Variants in IHO1 observed in about 807,000 individuals in gnomAD.
IHO1 encodes interactor of HORMAD1 protein 1.
A neutral mutation model predicts 31.0 loss-of-function variants in IHO1; 13 were observed. That is an observed-to-expected ratio of 0.42 (90% confidence interval 0.27 to 0.67). IHO1 has a LOEUF of 0.67. Ranked by LOEUF, IHO1 falls within the 30% of genes least tolerant of loss-of-function variation. The probability of loss-of-function intolerance (pLI) is 0.24; values close to 1 mark genes in which losing one functional copy is unlikely to be tolerated. For synonymous variants in IHO1, 221 were observed against 248.4 expected, an observed-to-expected ratio of 0.89 and a Z score of 1.04; for missense variants, 599 against 687.5, an observed-to-expected ratio of 0.87 and a Z score of 1.44.
At chr3:49,227,980 G>A (rs1424289307) in intron 2 of IHO1, among the ~76,000 whole-genome samples, 3 of 152,128 alleles carry the variant, frequency 2.0e-5, no homozygotes, top group Non-Finnish European at 4.4e-5. Context: ...CCTAAAGAAG[G>A]GAATAGAGTC....
rs1302371471 is a variant in IHO1 at position 49,206,278 on chromosome 3, A to G, written c.-15-5488A>G. Among the ~76,000 whole-genome samples the G allele has an allele frequency of 3.3e-5, 5 of 149,472 alleles. No homozygotes were observed. The East Asian group carries it at 8.0e-4, about 24-fold the overall frequency. ...TGCGCCCAGCAATTTTTGTATTTTT[A>G]GTAGAGATGGGATTTCACCATATTG... On this transcript the variant is annotated intron_variant, in intron 1 of 7. Coordinates refer to ENST00000452691, the MANE Select transcript of IHO1 (RefSeq NM_001135197.2).
intron 6 of IHO1, 100 bp downstream of exon 6, chr3:49,244,833 A>G: frequency 9.8e-7 from 1 of 1,017,438 alleles, no homozygotes; most frequent in Admixed American, 1.7e-5. Context: ...GGTTCCTCAC[A>G]GGGTTTCAGA....
chr3:49,235,698 T>C (rs1575580616), intron 2 of IHO1, among the ~76,000 whole-genome samples: 1 of 151,680 alleles, frequency 6.6e-6, no homozygotes, highest in Non-Finnish European at 1.5e-5. Context: ...GAGCCTGAGG[T>C]GAGCAGATTA....
intron 1 of IHO1, among the ~76,000 whole-genome samples, chr3:49,204,042 A>G (rs1201516159): frequency 4.6e-5 from 7 of 152,178 alleles, no homozygotes; most frequent in Non-Finnish European, 1.0e-4. Flanking sequence ...TTTTGAGGCT[A>G]GAAAGTTCAA....
At chr3:49,209,014 C>T (rs1365082178) in intron 1 of IHO1, among the ~76,000 whole-genome samples, 2 of 152,096 alleles carry the variant, frequency 1.3e-5, no homozygotes, top group Admixed American at 6.6e-5. Context: ...GGACATCTTT[C>T]TTCTGGTTGA....
chr3:49,197,880 CAAAA>C (rs553923060), upstream of IHO1, among the ~76,000 whole-genome samples: 1 of 111,366 alleles, frequency 9.0e-6, no homozygotes, highest in Non-Finnish European at 1.9e-5. Flanking sequence ...AACTCCATCT[CAAAA>C]AAAAAAAAAA....
chr3:49,236,213 CAATAA>C lies in IHO1; in HGVS notation c.57-326_57-322del, dbSNP rs370840917. On this transcript the variant is annotated intron_variant, in intron 2 of 7. Coordinates refer to ENST00000452691, the MANE Select transcript of IHO1 (RefSeq NM_001135197.2). ...GACAGAGTAGGATCCTGTCTCAAAA[CAATAA>C]AATAAAATGATAACATTCTTTTAAT... Among the ~76,000 whole-genome samples, 135 of 152,180 alleles carry C rather than the reference CAATAA, an allele frequency of 8.9e-4. 2 individuals carry two copies. The East Asian group carries it at 0.021, about 23-fold the overall frequency.
intron 1 of IHO1, among the ~76,000 whole-genome samples, chr3:49,201,253 A>G (rs2046066214): frequency 6.6e-6 from 1 of 151,634 alleles, no homozygotes; most frequent in Admixed American, 6.6e-5. Context: ...TCAGCCTCCC[A>G]AAGTGCTGGG....
At chr3:49,191,421 A>C in the IHO1 span, among the ~76,000 whole-genome samples, 1 of 152,196 alleles carries the variant, frequency 6.6e-6, no homozygotes, top group Non-Finnish European at 1.5e-5. Flanking sequence ...TTGCCCTCAA[A>C]ATGTTCCCAG....
At chr3:49,248,119 CAT>C (rs766880838) in intron 6 of IHO1, among the ~76,000 whole-genome samples, 49 of 103,516 alleles carry the variant, frequency 4.7e-4, no homozygotes, top group Non-Finnish European at 6.8e-4. Context: ...AGTGAGACTC[CAT>C]CTCAAAAAAA....
At chr3:49,252,782 C>G (rs1166872981) in intron 6 of IHO1, among the ~76,000 whole-genome samples, 1 of 151,456 alleles carries the variant, frequency 6.6e-6, no homozygotes, top group Non-Finnish European at 1.5e-5. Flanking sequence ...TGGTGGCTCA[C>G]TCCTGTAATT....
chr3:49,221,563 C>T (rs569040406), intron 2 of IHO1, among the ~76,000 whole-genome samples: 3 of 152,264 alleles, frequency 2.0e-5, no homozygotes, highest in South Asian at 2.1e-4. Context: ...GGGTGATGAC[C>T]GCTATAGCTA....
intron 1 of IHO1, among the ~76,000 whole-genome samples, chr3:49,209,938 G>A (rs1393359500): frequency 6.6e-6 from 1 of 151,164 alleles, no homozygotes; most frequent in Non-Finnish European, 1.5e-5. Flanking sequence ...GGATAGTCTC[G>A]ATCTCCTGAC....
At chr3:49,253,056 A>T (rs1039239755) in intron 6 of IHO1, among the ~76,000 whole-genome samples, 1 of 151,212 alleles carries the variant, frequency 6.6e-6, no homozygotes. Context: ...AAAAAAAATC[A>T]TGTAGGTAGA....
At chr3:49,199,360 C>T (rs2107673661), upstream of IHO1, 1 of 152,424 alleles carries the variant, frequency 6.6e-6, no homozygotes, top group South Asian at 2.1e-4. Flanking sequence ...AGAGGAGACC[C>T]TGGGGGCGGG....
At chr3:49,227,916 C>G (rs768053724) in intron 2 of IHO1, among the ~76,000 whole-genome samples, 3 of 152,164 alleles carry the variant, frequency 2.0e-5, no homozygotes, top group Non-Finnish European at 2.9e-5. Context: ...ATAGTCCCCC[C>G]TACGACGGAG....
chr3:49,205,646 T>C (rs2046126564), intron 1 of IHO1, among the ~76,000 whole-genome samples: 1 of 150,258 alleles, frequency 6.7e-6, no homozygotes, highest in Non-Finnish European at 1.5e-5. Context: ...CAGGCTGGAG[T>C]GTGGAGTACA....
At chr3:49,207,047 CAAAA>C (rs71077775) in intron 1 of IHO1, among the ~76,000 whole-genome samples, 4 of 48,738 alleles carry the variant, frequency 8.2e-5, no homozygotes, top group African/African-American at 1.6e-4. Flanking sequence ...GACTCTGTCT[CAAAA>C]AAAAAAAAAA....
intron 2 of IHO1, among the ~76,000 whole-genome samples, chr3:49,214,606 T>TCATATATATATATATATATATATA (rs2046261683): frequency 2.0e-5 from 1 of 49,512 alleles, no homozygotes. Flanking sequence ...TATTTCTAGA[T>TCATATATATATATATATATATATA]CATATATATA....
Sources: allele counts gnomAD v4.1 joint callset (sites outside exome capture counted in the v4.1 genomes callset), GRCh38; gene constraint gnomAD v4.1.1; transcripts MANE v1.5; gene names NCBI Gene and HGNC (gene_info 2026-07-23, HGNC 2026-07-21).